Variants in CNTN5 observed in about 807,000 individuals in gnomAD.
CNTN5 encodes contactin 5, also known as contactin-5.
A neutral mutation model predicts 129.1 loss-of-function variants in CNTN5; 77 were observed. That is an observed-to-expected ratio of 0.60 (90% CI 0.50 to 0.72). The LOEUF is 0.72. Among genes scored for constraint, CNTN5 ranks in the 30% least tolerant of loss-of-function variants. CNTN5 has a pLI of 0.00. For missense variants in CNTN5, 1,478 were observed against 1,328.8 expected (o/e 1.11, Z -1.75); for synonymous variants, 509 against 465.6 (o/e 1.09, Z -1.20).
chr11:99,497,358 A>G (rs972660062), intron 2 of CNTN5, among the ~76,000 whole-genome samples: 1 of 151,826 alleles, frequency 6.6e-6, no homozygotes, highest in Non-Finnish European at 1.5e-5. Flanking sequence ...GAGAACAGAC[A>G]AGGGAACACT....
rs934682330 is a variant in CNTN5 at position 99,991,983 on chromosome 11, G to A, written c.878-10051G>A. Among the ~76,000 whole-genome samples the A allele has an allele frequency of 7.4e-4, 113 of 151,986 alleles. 4 individuals are homozygous for A. Among genetic ancestry groups the A allele is most frequent in the African/African-American group, 3.4e-4 (14 of 41,348 alleles). On this transcript the variant is annotated intron_variant, in intron 8 of 24. Transcript: ENST00000524871. ...CAGTGGCTCCTATTCAACTCACATC[G>A]TCATTGAATATAGAAGAAACATGTC... is the stretch of plus-strand genomic sequence containing the variant.
intron 15 of CNTN5, among the ~76,000 whole-genome samples, chr11:100,222,836 C>G (rs935745991): frequency 1.3e-5 from 2 of 150,914 alleles, no homozygotes; most frequent in African/African-American, 4.8e-5. Flanking sequence ...TAACTGAGTA[C>G]CCCATTAAAA....
At chr11:100,105,270 C>A (rs1945383175) in intron 13 of CNTN5, among the ~76,000 whole-genome samples, 1 of 152,142 alleles carries the variant, frequency 6.6e-6, no homozygotes, top group Non-Finnish European at 1.5e-5. Flanking sequence ...ACATCTCTGT[C>A]ATGAGGAAGA....
At chr11:99,707,389 C>T (rs1001027069) in intron 3 of CNTN5, among the ~76,000 whole-genome samples, 2 of 151,602 alleles carry the variant, frequency 1.3e-5, no homozygotes, top group Non-Finnish European at 3.0e-5. Flanking sequence ...CTTCAAAGAA[C>T]TATTCCCCAT....
chr11:99,561,616 T>C (rs1391896127), intron 3 of CNTN5, among the ~76,000 whole-genome samples: 1 of 101,064 alleles, frequency 9.9e-6, no homozygotes, highest in Admixed American at 1.1e-4. Flanking sequence ...AGCCATGTAA[T>C]AATCATGATC....
chr11:99,173,125 T>C (rs1857612144), intron 1 of CNTN5, among the ~76,000 whole-genome samples: 1 of 152,154 alleles, frequency 6.6e-6, no homozygotes, highest in Non-Finnish European at 1.5e-5. Context: ...GAGCCATCCC[T>C]ATAATTTAAT....
intron 2 of CNTN5, among the ~76,000 whole-genome samples, chr11:99,496,465 C>G (rs187669403): frequency 6.6e-6 from 1 of 152,168 alleles, no homozygotes; most frequent in Admixed American, 6.5e-5. Context: ...TAATATAGTA[C>G]TTGACATATT....
chr11:100,273,400 C>T (rs527758895), intron 18 of CNTN5, among the ~76,000 whole-genome samples: 1 of 152,216 alleles, frequency 6.6e-6, no homozygotes, highest in Admixed American at 6.5e-5. Context: ...CCTGGTAGTA[C>T]AGTCTGCTCC....
intron 9 of CNTN5, among the ~76,000 whole-genome samples, chr11:100,006,651 A>G (rs1280126677): frequency 2.6e-5 from 4 of 152,062 alleles, no homozygotes; most frequent in Non-Finnish European, 5.9e-5. Flanking sequence ...TCACATCTGC[A>G]TTTACTTTCC....
chr11:99,956,963 T>C lies in CNTN5; in HGVS notation c.831T>C (p.Asn277=). Residue 277 remains asparagine (N), a synonymous_variant, in exon 8 of 25, where the codon AAT becomes AAC. Coordinates refer to ENST00000524871, the MANE Select transcript of CNTN5 (RefSeq NM_014361.4). The part of the protein sequence containing the change: ...YICLVKNTVT[N]ARVLSPPTPL... Reference sequence around the variant, plus strand: ...GTCTGGTGAAAAACACAGTGACGAATGCTAGAGTCCTTAGTCCTCCAACGC... The same window carrying C: ...GTCTGGTGAAAAACACAGTGACGAACGCTAGAGTCCTTAGTCCTCCAACGC... 6.2e-7 allele frequency: 1 copy of C among 1,613,926 alleles called. No homozygotes were observed. Among genetic ancestry groups the C allele is most frequent in the Admixed American group, 1.7e-5 (1 of 60,002 alleles).
At chr11:99,636,149 A>G (rs901870889) in intron 3 of CNTN5, among the ~76,000 whole-genome samples, 1 of 152,130 alleles carries the variant, frequency 6.6e-6, no homozygotes, top group African/African-American at 2.4e-5. Flanking sequence ...TGCATATACC[A>G]ATGGACACTT....
intron 1 of CNTN5, among the ~76,000 whole-genome samples, chr11:99,186,030 A>C (rs1405795019): frequency 6.6e-6 from 1 of 151,932 alleles, no homozygotes; most frequent in Non-Finnish European, 1.5e-5. Context: ...TATATCAAAA[A>C]TAGCTTCTGC....
intron 1 of CNTN5, among the ~76,000 whole-genome samples, chr11:99,036,664 G>T (rs114272661): frequency 2.6e-5 from 4 of 152,108 alleles, no homozygotes; most frequent in Non-Finnish European, 4.4e-5. Context: ...CCTCCATAGC[G>T]ATGATACTAA....
At chr11:100,055,284 C>G (rs978153939) in intron 9 of CNTN5, among the ~76,000 whole-genome samples, 6 of 151,462 alleles carry the variant, frequency 4.0e-5, no homozygotes, top group Admixed American at 6.6e-5. Flanking sequence ...CTTATGACTT[C>G]TTTTTTTTCA....
chr11:99,847,278 G>C (rs552164282), intron 6 of CNTN5, among the ~76,000 whole-genome samples: 1 of 152,292 alleles, frequency 6.6e-6, no homozygotes, highest in African/African-American at 2.4e-5. Flanking sequence ...TTTCTGGAAA[G>C]ACCAAACATA....
intron 1 of CNTN5, among the ~76,000 whole-genome samples, chr11:99,187,062 G>T (rs1193898710): frequency 6.6e-6 from 1 of 151,890 alleles, no homozygotes; most frequent in East Asian, 1.9e-4. Flanking sequence ...TGAACAGGAA[G>T]TACCTGGAGG....
At chr11:99,559,915 A>G (rs957762128) in intron 3 of CNTN5, among the ~76,000 whole-genome samples, 5 of 152,222 alleles carry the variant, frequency 3.3e-5, no homozygotes, top group African/African-American at 1.2e-4. Flanking sequence ...AATGGATTCT[A>G]TATACAAATG....
At chr11:100,185,393 G>C (rs1452572) in intron 13 of CNTN5, among the ~76,000 whole-genome samples, 128,281 of 152,058 alleles carry the variant, frequency 0.84, 54,247 homozygotes, top group East Asian at 0.99. Context: ...GTACTCTGCA[G>C]TATACCCCAA....
intron 3 of CNTN5, among the ~76,000 whole-genome samples, chr11:99,724,805 C>T (rs1158621736): frequency 3.9e-5 from 6 of 152,110 alleles, no homozygotes; most frequent in Admixed American, 3.9e-4. Flanking sequence ...TGAATGTCCC[C>T]TTGTGTTATC....
Sources: allele counts gnomAD v4.1 joint callset (sites outside exome capture counted in the v4.1 genomes callset), GRCh38; gene constraint gnomAD v4.1.1; transcripts MANE v1.5; gene names NCBI Gene and HGNC (gene_info 2026-07-23, HGNC 2026-07-21).